Variants in FOCAD observed in about 807,000 individuals in gnomAD.
FOCAD encodes the protein KIAA1797.
In FOCAD, 198 loss-of-function variants were observed where a neutral mutation model predicts 225.6. That is an observed-to-expected ratio of 0.88 (90% CI 0.78 to 0.99). The LOEUF (loss-of-function observed/expected upper bound fraction) is 0.99. Among genes scored for constraint, FOCAD ranks in the 50% least tolerant of loss-of-function variants. The pLI is 0.00. For missense variants in FOCAD, 2,713 were observed against 2,123.6 expected (o/e 1.28, Z -5.46); for synonymous variants, 897 against 755.0 (o/e 1.19, Z -3.08).
At chr9:20,699,938 G>C (rs2131398901) in intron 1 of FOCAD, among the ~76,000 whole-genome samples, 1 of 150,444 alleles carries the variant, frequency 6.6e-6, no homozygotes, top group East Asian at 2.0e-4. Context: ...CTGTCAATTG[G>C]ATGTCAGCAT....
chr9:20,855,129 A>G (rs926230941), intron 15 of FOCAD, among the ~76,000 whole-genome samples: 2 of 151,790 alleles, frequency 1.3e-5, no homozygotes, highest in Non-Finnish European at 3.0e-5. Context: ...ATTGAGTTAT[A>G]TGGTAAAAAT....
intron 11 of FOCAD, among the ~76,000 whole-genome samples, chr9:20,800,928 T>G (rs1476193303): frequency 6.6e-6 from 1 of 152,150 alleles, no homozygotes; most frequent in South Asian, 2.1e-4. Context: ...GGCGCTCTGA[T>G]TTTTAGAATT....
At chr9:20,763,432 A>C (rs966163010) in intron 6 of FOCAD, among the ~76,000 whole-genome samples, 2 of 152,146 alleles carry the variant, frequency 1.3e-5, no homozygotes, top group Non-Finnish European at 2.9e-5. Context: ...TAGCCATTGC[A>C]CTCTAGCCTG....
chr9:20,679,779 T>C (rs73436439), upstream of FOCAD, among the ~76,000 whole-genome samples: 4,139 of 152,282 alleles, frequency 0.027, 216 homozygotes, highest in African/African-American at 0.093. Context: ...GAGTTTTGCA[T>C]GTACAATGTC....
chr9:20,754,051 A>G (rs1446627877), intron 5 of FOCAD, among the ~76,000 whole-genome samples: 1 of 152,102 alleles, frequency 6.6e-6, no homozygotes, highest in East Asian at 1.9e-4. Context: ...TTTTTTGATC[A>G]GTAATGCTTC....
At chr9:20,978,615 T>C (rs866541016) in intron 37 of FOCAD, among the ~76,000 whole-genome samples, 161 bp downstream of exon 37, 2 of 152,238 alleles carry the variant, frequency 1.3e-5, no homozygotes, top group Non-Finnish European at 2.9e-5. Flanking sequence ...TGGAAAATTA[T>C]ATAGTTCAGA....
chr9:20,707,420 TG>T (rs1212097127), intron 1 of FOCAD, among the ~76,000 whole-genome samples: 1 of 152,332 alleles, frequency 6.6e-6, no homozygotes, highest in African/African-American at 2.4e-5. Flanking sequence ...TTGAACAATT[TG>T]GGGTCTTGGG....
chr9:20,791,933 A>G (rs1220649495), intron 11 of FOCAD, among the ~76,000 whole-genome samples: 2 of 152,192 alleles, frequency 1.3e-5, no homozygotes, highest in African/African-American at 4.8e-5. Context: ...GGACACTGAA[A>G]TGCTGTATAT....
intron 11 of FOCAD, among the ~76,000 whole-genome samples, chr9:20,812,480 A>C (rs1433223600): frequency 6.6e-6 from 1 of 152,034 alleles, no homozygotes; most frequent in African/African-American, 2.4e-5. Flanking sequence ...CAGCCTCATG[A>C]AGTGTTGCCA....
chr9:20,803,427 A>G (rs1822056154), intron 11 of FOCAD, among the ~76,000 whole-genome samples: 1 of 152,132 alleles, frequency 6.6e-6, no homozygotes, highest in African/African-American at 2.4e-5. Flanking sequence ...AAAGGGAGTA[A>G]TGGTCTGCTT....
chr9:20,930,890 C>G (rs1835403439), intron 27 of FOCAD, among the ~76,000 whole-genome samples: 1 of 152,170 alleles, frequency 6.6e-6, no homozygotes, highest in South Asian at 2.1e-4. Context: ...TTTTTAAAGA[C>G]TTAAAACTTG....
At chr9:20,786,511 GT>G (rs1819938426) in intron 10 of FOCAD, among the ~76,000 whole-genome samples, 1 of 152,096 alleles carries the variant, frequency 6.6e-6, no homozygotes, top group Non-Finnish European at 1.5e-5. Context: ...TGACTGATGA[GT>G]GATTAATATC....
At chr9:20,907,003 T>C in intron 21 of FOCAD, 147 bp from the exon 22 acceptor site, 1 of 603,356 alleles carries the variant, frequency 1.7e-6, no homozygotes, top group Non-Finnish European at 2.9e-6. Context: ...CCAAAAGATA[T>C]TATTTGTGGT....
chr9:20,763,657 G>A (rs898423115), intron 6 of FOCAD, among the ~76,000 whole-genome samples: 6 of 152,182 alleles, frequency 3.9e-5, no homozygotes, highest in African/African-American at 1.4e-4. Flanking sequence ...AGAGGGAATA[G>A]CAAGTGAGAA....
intron 1 of FOCAD, among the ~76,000 whole-genome samples, chr9:20,689,411 G>T (rs1353144411): frequency 6.9e-6 from 1 of 144,732 alleles, no homozygotes; most frequent in Non-Finnish European, 1.5e-5. Flanking sequence ...ATAGATGAGA[G>T]ATGAAGATAC....
chr9:20,943,350 A>G (rs1836858786), intron 28 of FOCAD, among the ~76,000 whole-genome samples: 1 of 152,298 alleles, frequency 6.6e-6, no homozygotes, highest in African/African-American at 2.4e-5. Flanking sequence ...AACTAGAAAA[A>G]CACACTTGAG....
At position 20,722,930 on chromosome 9, in the gene FOCAD, A is replaced by C. The variant is rs1220895123; in HGVS notation, c.287+2396A>C. On this transcript the variant is annotated intron_variant, in intron 4 of 43. Transcript: ENST00000338382. ...TTGTGTAGTTGTACTATTTATATTC[A>C]AAAGTTAAAGTATCAGCAGCTCATG... Among the ~76,000 whole-genome samples the C allele has an allele frequency of 2.6e-5, 4 of 152,180 alleles. No individual in the cohort carries two copies. The East Asian group carries it at 7.7e-4, about 29-fold the overall frequency.
chr9:20,702,458 G>C (rs191357146), intron 1 of FOCAD, among the ~76,000 whole-genome samples: 109 of 152,290 alleles, frequency 7.2e-4, no homozygotes, highest in Non-Finnish European at 1.2e-3. Context: ...TTATTAAAGA[G>C]TGGTTAAGCA....
At chr9:20,778,889 A>C in intron 9 of FOCAD, 121 bp downstream of exon 9, 1 of 501,608 alleles carries the variant, frequency 2.0e-6, no homozygotes, top group South Asian at 4.4e-5. Flanking sequence ...AATTTTTAAA[A>C]TTATTAAATA....
Sources: allele counts gnomAD v4.1 joint callset (sites outside exome capture counted in the v4.1 genomes callset), GRCh38; gene constraint gnomAD v4.1.1; transcripts MANE v1.5; gene names NCBI Gene and HGNC (gene_info 2026-07-23, HGNC 2026-07-21).